AFF3: variants seen among roughly 807,000 people sequenced by gnomAD.
The protein encoded by AFF3 is AF4/FMR2 family member 3.
AFF3 carries 32 observed loss-of-function variants against 129.7 expected under a neutral mutation model. The observed-to-expected ratio is 0.25, with a 90% CI of 0.19 to 0.33. The LOEUF (loss-of-function observed/expected upper bound fraction) is 0.33, where lower values mean the gene tolerates loss of function less well. Ranked by LOEUF, AFF3 falls within the 10% of genes least tolerant of loss-of-function variation. The pLI is 1.00. For missense variants in AFF3, 1,373 were observed against 1,592.0 expected, an observed-to-expected ratio of 0.86 and a Z score of 2.34; for synonymous variants, 644 against 635.4, an observed-to-expected ratio of 1.01 and a Z score of -0.20.
At chr2:99,750,122 G>A (rs574323760) in intron 9 of AFF3, among the ~76,000 whole-genome samples, 1 of 152,158 alleles carries the variant, frequency 6.6e-6, no homozygotes, top group Admixed American at 6.5e-5. Flanking sequence ...CACTTTGCTA[G>A]TGTAAAAGCA....
At chr2:99,861,744 C>T (rs889977512) in intron 7 of AFF3, among the ~76,000 whole-genome samples, 5 of 152,114 alleles carry the variant, frequency 3.3e-5, no homozygotes, top group South Asian at 2.1e-4. Context: ...ACCCAAACAG[C>T]GTAAGGTACA....
intron 11 of AFF3, among the ~76,000 whole-genome samples, chr2:99,702,941 T>C (rs752246779): frequency 1.3e-5 from 2 of 152,208 alleles, no homozygotes; most frequent in Non-Finnish European, 2.9e-5. Context: ...AGTTTTTCCT[T>C]TTATGGATCA....
At chr2:99,777,970 A>AAAAAAAT in intron 8 of AFF3, among the ~76,000 whole-genome samples, 1 of 147,858 alleles carries the variant, frequency 6.8e-6, no homozygotes, top group South Asian at 2.1e-4. Context: ...AAAAAAAAAA[A>AAAAAAAT]ACAAAATGCA....
chr2:99,635,088 C>T (rs1683506883), intron 13 of AFF3, among the ~76,000 whole-genome samples: 1 of 150,742 alleles, frequency 6.6e-6, no homozygotes, highest in South Asian at 2.1e-4. Flanking sequence ...GATATATACA[C>T]ATATCTCTAT....
At chr2:99,958,779 T>C (rs1676918965) in intron 7 of AFF3, among the ~76,000 whole-genome samples, 1 of 152,020 alleles carries the variant, frequency 6.6e-6, no homozygotes, top group African/African-American at 2.4e-5. Context: ...AGATAGGATT[T>C]TGGGAGCCAG....
intron 7 of AFF3, among the ~76,000 whole-genome samples, chr2:99,971,252 C>T (rs777723370): frequency 1.3e-5 from 2 of 152,150 alleles, no homozygotes; most frequent in Non-Finnish European, 2.9e-5. Flanking sequence ...CCCAGGTCTC[C>T]GTCCGCCAGG....
At chr2:99,851,475 T>C (rs1045546819) in intron 7 of AFF3, among the ~76,000 whole-genome samples, 1 of 152,248 alleles carries the variant, frequency 6.6e-6, no homozygotes, top group Admixed American at 6.5e-5. Flanking sequence ...GGGCTGGAGT[T>C]TGCCTTCTAT....
chr2:100,013,298 A>G (rs1682709653), intron 4 of AFF3, among the ~76,000 whole-genome samples: 1 of 152,192 alleles, frequency 6.6e-6, no homozygotes, highest in Non-Finnish European at 1.5e-5. Flanking sequence ...CATGAAACTA[A>G]ATAAAAGTAA....
intron 8 of AFF3, among the ~76,000 whole-genome samples, chr2:99,824,259 G>A (rs1687912936): frequency 6.6e-6 from 1 of 151,996 alleles, no homozygotes; most frequent in Non-Finnish European, 1.5e-5. Flanking sequence ...GGGATTACAG[G>A]CATGCACCAC....
intron 4 of AFF3, among the ~76,000 whole-genome samples, chr2:100,015,467 C>T (rs1682934487): frequency 6.6e-6 from 1 of 152,180 alleles, no homozygotes; most frequent in Non-Finnish European, 1.5e-5. Context: ...TCCCCAGAAA[C>T]TCCCCTGCTC....
At chr2:100,040,461 T>C (rs1040886939) in intron 4 of AFF3, among the ~76,000 whole-genome samples, 2 of 152,186 alleles carry the variant, frequency 1.3e-5, no homozygotes, top group Admixed American at 6.5e-5. Context: ...CATCCTCTTC[T>C]CAGTTAAGAG....
chr2:100,040,658 T>C (rs1334917977), intron 4 of AFF3, among the ~76,000 whole-genome samples: 1 of 152,228 alleles, frequency 6.6e-6, no homozygotes, highest in Non-Finnish European at 1.5e-5. Flanking sequence ...ACCAGGGCTC[T>C]GGCACACCTG....
chr2:100,083,445 G>C (rs1689174521), intron 4 of AFF3, among the ~76,000 whole-genome samples: 1 of 152,176 alleles, frequency 6.6e-6, no homozygotes, highest in Non-Finnish European at 1.5e-5. Context: ...CAGTCAAGAA[G>C]GGACTCCACA....
At chr2:99,928,933 G>A (rs924122848) in intron 7 of AFF3, among the ~76,000 whole-genome samples, 4 of 152,244 alleles carry the variant, frequency 2.6e-5, no homozygotes, top group African/African-American at 9.6e-5. Context: ...ACAGCAGTGT[G>A]CGACTCACAC....
At chr2:99,725,541 GCTGGTCTCAAATTC>G (rs891434886) in intron 11 of AFF3, among the ~76,000 whole-genome samples, 2 of 151,670 alleles carry the variant, frequency 1.3e-5, no homozygotes, top group Non-Finnish European at 2.9e-5. Context: ...TTTTGGCCAG[GCTGGTCTCAAATTC>G]CTGGTCTCAA....
chr2:99,716,608 TGTG>T (rs950061191), intron 11 of AFF3, among the ~76,000 whole-genome samples: 103 of 151,148 alleles, frequency 6.8e-4, no homozygotes, highest in East Asian at 7.8e-4. Flanking sequence ...ATAGGCTGGG[TGTG>T]GTGGCTCATG....
At chr2:99,780,106 T>A (rs1433523862) in intron 8 of AFF3, among the ~76,000 whole-genome samples, 1 of 152,166 alleles carries the variant, frequency 6.6e-6, no homozygotes, top group East Asian at 1.9e-4. Flanking sequence ...GGAGCAGGAC[T>A]TATCTCCCAT....
intron 13 of AFF3, among the ~76,000 whole-genome samples, chr2:99,614,046 C>T (rs185443946): frequency 6.6e-6 from 1 of 152,138 alleles, no homozygotes; most frequent in African/African-American, 2.4e-5. Flanking sequence ...GGGGCAGGAA[C>T]CTTAGAGCTG....
intron 13 of AFF3, among the ~76,000 whole-genome samples, chr2:99,625,283 C>T (rs1470791454): frequency 6.6e-6 from 1 of 152,132 alleles, no homozygotes; most frequent in Non-Finnish European, 1.5e-5. Flanking sequence ...ATACAGGGCA[C>T]CCCGTGAAAT....
Sources: gnomAD v4.1 joint callset for allele counts (sites outside exome capture counted in the v4.1 genomes callset) on GRCh38, gnomAD v4.1.1 for gene constraint, MANE v1.5 for transcripts, NCBI Gene and HGNC (gene_info 2026-07-23, HGNC 2026-07-21) for gene names.